Variants in CERS6 observed in about 807,000 individuals in gnomAD.
CERS6 encodes ceramide synthase 6.
CERS6 carries 26 observed loss-of-function variants against 56.8 expected under a neutral mutation model. That is an observed-to-expected ratio of 0.46 (90% CI 0.34 to 0.63). The LOEUF (loss-of-function observed/expected upper bound fraction) is 0.63. Ranked by LOEUF, CERS6 falls within the 30% of genes least tolerant of loss-of-function variation. The pLI, the probability that CERS6 is intolerant of heterozygous loss-of-function variation, is 0.01. For missense variants in CERS6, 415 were observed against 467.5 expected, an observed-to-expected ratio of 0.89 and a Z score of 1.04; for synonymous variants, 164 against 173.3, an observed-to-expected ratio of 0.95 and a Z score of 0.42.
At chr2:168,507,177 A>G (rs1694693711) in intron 1 of CERS6, among the ~76,000 whole-genome samples, 1 of 152,188 alleles carries the variant, frequency 6.6e-6, no homozygotes. Flanking sequence ...ATTCTTCTAT[A>G]TAACCAGTAT....
At chr2:168,571,600 A>G (rs144871607) in intron 3 of CERS6, among the ~76,000 whole-genome samples, 1 of 152,142 alleles carries the variant, frequency 6.6e-6, no homozygotes, top group African/African-American at 2.4e-5. Context: ...CCAAATTCAT[A>G]ATAAGCCCTC....
At chr2:168,539,688 A>G (rs1322661178) in intron 1 of CERS6, among the ~76,000 whole-genome samples, 1 of 152,236 alleles carries the variant, frequency 6.6e-6, no homozygotes, top group Non-Finnish European at 1.5e-5. Flanking sequence ...TCAGTTTTAA[A>G]TTGATAATAC....
At chr2:168,593,252 G>A (rs1426640175) in intron 3 of CERS6, among the ~76,000 whole-genome samples, 8 of 152,246 alleles carry the variant, frequency 5.3e-5, no homozygotes, top group Admixed American at 1.3e-4. Flanking sequence ...CTCTTTGACC[G>A]TGTAAGGTAA....
At chr2:168,676,493 A>T (rs923924775) in intron 4 of CERS6, among the ~76,000 whole-genome samples, 4 of 152,260 alleles carry the variant, frequency 2.6e-5, no homozygotes, top group African/African-American at 4.8e-5. Context: ...TGTAAGGTTC[A>T]TAGTGGACTA....
chr2:168,705,521 T>C (rs1010051533), intron 6 of CERS6, among the ~76,000 whole-genome samples: 2 of 152,118 alleles, frequency 1.3e-5, no homozygotes, highest in African/African-American at 4.8e-5. Flanking sequence ...GGAGTTAGAA[T>C]GTGGAGGATA....
At chr2:168,752,222 T>C (rs72881714) in intron 8 of CERS6, among the ~76,000 whole-genome samples, 18,954 of 151,796 alleles carry the variant, frequency 0.12, 1,520 homozygotes, top group Non-Finnish European at 0.18. Context: ...TAGGATCATT[T>C]GAGCCCAGGA....
At chr2:168,464,556 G>A (rs945426667) in intron 1 of CERS6, among the ~76,000 whole-genome samples, 20 of 152,026 alleles carry the variant, frequency 1.3e-4, no homozygotes, top group African/African-American at 4.8e-4. Context: ...AATAGTGGAA[G>A]GAATACACTC....
At chr2:168,613,765 C>G (rs1574100913) in intron 3 of CERS6, among the ~76,000 whole-genome samples, 1 of 152,270 alleles carries the variant, frequency 6.6e-6, no homozygotes, top group Admixed American at 6.5e-5. Flanking sequence ...ATATGTAATA[C>G]CATGTAATAG....
At chr2:168,542,671 G>A (rs1430724383) in intron 1 of CERS6, among the ~76,000 whole-genome samples, 4 of 151,824 alleles carry the variant, frequency 2.6e-5, no homozygotes, top group African/African-American at 9.7e-5. Flanking sequence ...TGAGTACAAG[G>A]TTCATTTCAT....
intron 8 of CERS6, among the ~76,000 whole-genome samples, chr2:168,728,011 A>C (rs973754358): frequency 6.6e-5 from 10 of 152,246 alleles, no homozygotes; most frequent in Admixed American, 4.6e-4. Context: ...ATTTTAATGT[A>C]ATTTCAGGAT....
At chr2:168,683,791 A>G (rs751622582) in intron 4 of CERS6, among the ~76,000 whole-genome samples, 1 of 152,160 alleles carries the variant, frequency 6.6e-6, no homozygotes, top group Non-Finnish European at 1.5e-5. Context: ...CAAGCGCCAT[A>G]TCCCCAGACT....
chr2:168,686,579 G>A (rs550295290), intron 4 of CERS6, among the ~76,000 whole-genome samples: 1 of 152,146 alleles, frequency 6.6e-6, no homozygotes, highest in Non-Finnish European at 1.5e-5. Flanking sequence ...TACAGGATTT[G>A]GAGGTCCTTT....
chr2:168,505,975 T>C (rs992275167), intron 1 of CERS6, among the ~76,000 whole-genome samples: 1 of 152,200 alleles, frequency 6.6e-6, no homozygotes, highest in Non-Finnish European at 1.5e-5. Context: ...GGCAGAAGGC[T>C]CCTGAGCTGC....
At chr2:168,659,025 T>G (rs1685562513) in intron 4 of CERS6, among the ~76,000 whole-genome samples, 1 of 152,250 alleles carries the variant, frequency 6.6e-6, no homozygotes, top group African/African-American at 2.4e-5. Context: ...TTGTGAGGAC[T>G]TCTAGGAGAA....
intron 1 of CERS6, among the ~76,000 whole-genome samples, chr2:168,532,362 T>G (rs925025215): frequency 6.6e-6 from 1 of 152,148 alleles, no homozygotes; most frequent in African/African-American, 2.4e-5. Context: ...TCTGGTGGCA[T>G]CAGAGATTCT....
At chr2:168,593,436 G>A (rs916429952) in intron 3 of CERS6, among the ~76,000 whole-genome samples, 3 of 152,160 alleles carry the variant, frequency 2.0e-5, no homozygotes, top group African/African-American at 7.2e-5. Context: ...CCCGTAAGTG[G>A]CAAAGTGACT....
At chr2:168,619,561 GA>G (rs1300196763) in intron 3 of CERS6, among the ~76,000 whole-genome samples, 1 of 151,816 alleles carries the variant, frequency 6.6e-6, no homozygotes, top group Non-Finnish European at 1.5e-5. Flanking sequence ...CATTAATAGA[GA>G]ATTCTCAAAA....
chr2:168,494,227 G>C (rs1487066630), intron 1 of CERS6, among the ~76,000 whole-genome samples: 1 of 152,172 alleles, frequency 6.6e-6, no homozygotes, highest in African/African-American at 2.4e-5. Flanking sequence ...GTAAGATCCA[G>C]AGAGGACAGA....
intron 3 of CERS6, among the ~76,000 whole-genome samples, chr2:168,592,159 A>G (rs905215820): frequency 2.6e-5 from 4 of 152,238 alleles, no homozygotes; most frequent in Non-Finnish European, 4.4e-5. Context: ...ACCAAAAGCC[A>G]TAGGGCTTCA....
Sources: allele counts gnomAD v4.1 joint callset (sites outside exome capture counted in the v4.1 genomes callset), GRCh38; gene constraint gnomAD v4.1.1; transcripts MANE v1.5; gene names NCBI Gene and HGNC (gene_info 2026-07-23, HGNC 2026-07-21).